Variants in KPNA3 observed in about 807,000 individuals in gnomAD.
KPNA3 encodes karyopherin subunit alpha 3.
Under a neutral mutation model 73.8 loss-of-function variants are expected in KPNA3, and 13 were observed. The ratio of observed to expected loss-of-function variants is 0.18; its 90% CI spans 0.11 to 0.28. The LOEUF (loss-of-function observed/expected upper bound fraction) is 0.28, where lower values mean the gene tolerates loss of function less well. Among genes scored for constraint, KPNA3 ranks in the 10% least tolerant of loss-of-function variants. The pLI, the probability that KPNA3 is intolerant of heterozygous loss-of-function variation, is 1.00. For missense variants in KPNA3, 360 were observed against 618.1 expected (o/e 0.58, Z 4.43); for synonymous variants, 186 against 206.9 (o/e 0.90, Z 0.87).
chr13:49,748,540 T>G (rs1020819381), intron 1 of KPNA3, among the ~76,000 whole-genome samples: 3 of 152,086 alleles, frequency 2.0e-5, no homozygotes, highest in Non-Finnish European at 4.4e-5. Context: ...ATAATTCTTG[T>G]GATATCTCTT....
intron 1 of KPNA3, among the ~76,000 whole-genome samples, chr13:49,751,425 CCTAA>C (rs1954662247): frequency 1.3e-5 from 2 of 152,166 alleles, no homozygotes; most frequent in South Asian, 4.1e-4. Context: ...ACTAAAATAG[CCTAA>C]CTAGTCTCCT....
rs1180468601 is a variant in KPNA3 at position 49,756,179 on chromosome 13, T to G, written c.70-9186A>C. Among the ~76,000 whole-genome samples, 8 of 151,924 alleles carry G rather than the reference T, an allele frequency of 5.3e-5. No homozygotes were observed. In the East Asian group the frequency reaches 1.4e-3, roughly 26 times the overall value. Reference sequence around the variant, plus strand: ...GTCTCAGCTACTGGGGAGGGTGAGGTAGCAGGATCTCTTGAGCTCGGGAGA... The same window carrying G: ...GTCTCAGCTACTGGGGAGGGTGAGGGAGCAGGATCTCTTGAGCTCGGGAGA... On this transcript the variant is annotated intron_variant, in intron 1 of 16. Transcript: ENST00000261667.
rs192084288 is a variant in KPNA3, at chr13:49,767,428, A to G, written c.70-20435T>C. ...GACTCTGTCTCAATAAAAAAAAAAA[A>G]AAGAAGAAAAAAAGAATAATATCAA... On this transcript the variant is annotated intron_variant, in intron 1 of 16. Transcript: ENST00000261667. Among the ~76,000 whole-genome samples, 625 of 151,834 alleles carry G rather than the reference A, an allele frequency of 4.1e-3. 2 individuals carry two copies. Among genetic ancestry groups the G allele is most frequent in the Non-Finnish European group, 7.4e-3 (502 of 67,918 alleles).
At chr13:49,750,560 A>G (rs768864791) in intron 1 of KPNA3, among the ~76,000 whole-genome samples, 3 of 152,112 alleles carry the variant, frequency 2.0e-5, no homozygotes, top group East Asian at 1.9e-4. Context: ...TAAGCACAGG[A>G]AGTCAAGGGT....
intron 6 of KPNA3, 53 bp from the exon 7 acceptor site, chr13:49,725,554 A>G (rs1954401761): frequency 8.9e-7 from 1 of 1,120,366 alleles, no homozygotes; most frequent in South Asian, 1.3e-5. Context: ...CACTTAAATT[A>G]ATGAATCTTA....
At chr13:49,772,975 A>G (rs1261246588) in intron 1 of KPNA3, among the ~76,000 whole-genome samples, 1 of 152,148 alleles carries the variant, frequency 6.6e-6, no homozygotes, top group Non-Finnish European at 1.5e-5. Context: ...ACTAGTAACA[A>G]CTCAAATGGC....
chr13:49,709,548 T>A, intron 12 of KPNA3, 24 bp downstream of exon 12: 3 of 1,584,960 alleles, frequency 1.9e-6, no homozygotes, highest in Non-Finnish European at 2.6e-6. Flanking sequence ...AGAAATAGCA[T>A]AATGAGGACA....
At chr13:49,724,387 TCCGCCTC>T (rs1954389047) in intron 7 of KPNA3, among the ~76,000 whole-genome samples, 1 of 151,640 alleles carries the variant, frequency 6.6e-6, no homozygotes, top group Non-Finnish European at 1.5e-5. Context: ...CACTGCAAGC[TCCGCCTC>T]CCGGGTTCAC....
Position 49,792,529 on chromosome 13 carries a change from G to A in KPNA3, c.-23C>T, listed in dbSNP as rs200365157. Reference sequence around the variant, plus strand: ...CATGGCTGCGCGCGGCTCCGGCGGCGGCTACTCCTGCGGCTGCGGCGGCGG... The same window carrying A: ...CATGGCTGCGCGCGGCTCCGGCGGCAGCTACTCCTGCGGCTGCGGCGGCGG... On this transcript the variant is annotated 5_prime_UTR_variant, in exon 1 of 17. Transcript: ENST00000261667. 23 of 1,555,450 alleles carry A rather than the reference G, an allele frequency of 1.5e-5. No individual in the cohort carries two copies. The highest frequency in any genetic ancestry group is 8.1e-5 in the South Asian group (7 of 86,930).
At chr13:49,737,090 T>A (rs1391824415) in intron 2 of KPNA3, among the ~76,000 whole-genome samples, 2 of 152,336 alleles carry the variant, frequency 1.3e-5, no homozygotes, top group African/African-American at 4.8e-5. Context: ...TTACAGTATG[T>A]CTATTTACCC....
At chr13:49,749,104 T>C (rs1015739958) in intron 1 of KPNA3, among the ~76,000 whole-genome samples, 9 of 152,318 alleles carry the variant, frequency 5.9e-5, no homozygotes, top group African/African-American at 2.2e-4. Flanking sequence ...AACAAAAAGA[T>C]CCAGGCAGCA....
intron 1 of KPNA3, among the ~76,000 whole-genome samples, chr13:49,753,017 ACT>A (rs1362080605): frequency 1.8e-5 from 2 of 113,014 alleles, no homozygotes; most frequent in Admixed American, 2.2e-4. Context: ...ACAGAGCGAG[ACT>A]CTGTCTCAAA....
intron 1 of KPNA3, among the ~76,000 whole-genome samples, chr13:49,758,374 C>T (rs1306418421): frequency 6.6e-6 from 1 of 152,142 alleles, no homozygotes; most frequent in Non-Finnish European, 1.5e-5. Flanking sequence ...CATAATCACA[C>T]TATCCTGTGT....
chr13:49,771,518 C>A (rs2137594385), intron 1 of KPNA3, among the ~76,000 whole-genome samples: 1 of 152,272 alleles, frequency 6.6e-6, no homozygotes, highest in South Asian at 2.1e-4. Flanking sequence ...GCCAGTGGCG[C>A]AATCACCATT....
At chr13:49,757,721 G>A (rs1170506770) in intron 1 of KPNA3, among the ~76,000 whole-genome samples, 1 of 151,886 alleles carries the variant, frequency 6.6e-6, no homozygotes, top group Non-Finnish European at 1.5e-5. Flanking sequence ...CAACCTGTAC[G>A]CAAATGTTTA....
At chr13:49,768,287 A>AG (rs1341070394) in intron 1 of KPNA3, among the ~76,000 whole-genome samples, 1 of 151,776 alleles carries the variant, frequency 6.6e-6, no homozygotes, top group African/African-American at 2.4e-5. Context: ...TCAAAAAAAA[A>AG]AAAAAAAAAA....
intron 1 of KPNA3, among the ~76,000 whole-genome samples, chr13:49,788,741 A>ATTTTTT (rs1222157637): frequency 1.2e-3 from 151 of 123,788 alleles, no homozygotes; most frequent in African/African-American, 5.1e-3. Context: ...TTTTTTTTAA[A>ATTTTTT]AAAAAAAAGC....
chr13:49,724,111 T>G (rs1393553023), intron 7 of KPNA3, among the ~76,000 whole-genome samples: 1 of 152,180 alleles, frequency 6.6e-6, no homozygotes, highest in Admixed American at 6.6e-5. Flanking sequence ...CAGGTATTGG[T>G]ACTTCATTCT....
chr13:49,787,681 A>AT (rs35108432), intron 1 of KPNA3, among the ~76,000 whole-genome samples: 31,609 of 131,906 alleles, frequency 0.24, 4,417 homozygotes, highest in Non-Finnish European at 0.33. Flanking sequence ...TAATTTTTGT[A>AT]TTTTTTTTTT....
Sources: allele counts gnomAD v4.1 joint callset (sites outside exome capture counted in the v4.1 genomes callset), GRCh38; gene constraint gnomAD v4.1.1; transcripts MANE v1.5; gene names NCBI Gene and HGNC (gene_info 2026-07-23, HGNC 2026-07-21).